The following CACNA1E variants were observed in gnomAD, a reference collection of about 807,000 sequenced individuals.
The protein encoded by CACNA1E is voltage-dependent R-type calcium channel subunit alpha-1E.
CACNA1E carries 40 observed loss-of-function variants against 259.2 expected under a neutral mutation model. The ratio of observed to expected loss-of-function variants is 0.15; its 90% CI spans 0.12 to 0.20. The LOEUF (loss-of-function observed/expected upper bound fraction) is 0.20. CACNA1E is among the 10% of genes least tolerant of loss of function. CACNA1E has a pLI of 1.00. For missense variants in CACNA1E, 1,874 were observed against 3,040.1 expected, an observed-to-expected ratio of 0.62 and a Z score of 9.02; for synonymous variants, 1,104 against 1,138.5, an observed-to-expected ratio of 0.97 and a Z score of 0.61.
In CACNA1E at chr1:181,732,409, A is replaced by T; in HGVS notation, c.2323A>T (p.Met775Leu). The T allele has an allele frequency of 6.5e-7, 1 of 1,540,696 alleles. No individual in the cohort carries two copies. Among genetic ancestry groups the T allele is most frequent in the Non-Finnish European group, 8.8e-7 (1 of 1,141,970 alleles). Residue 775 changes from methionine to leucine, a missense_variant, in exon 20 of 48, where the codon ATG becomes TTG. Physicochemically the swap from Met to Leu is conservative, Grantham distance 15. Coordinates refer to ENST00000367573, the MANE Select transcript of CACNA1E (RefSeq NM_001205293.3). The surrounding 1 kb of genome is among the most constrained non-coding windows in gnomAD (Gnocchi z 5.5). Reference protein sequence around the residue: ...HLRERRRRHHMSVWEQRTSQL... With the variant: ...HLRERRRRHHLSVWEQRTSQL... ...GAGGGAGCGGAGGCGCCGGCACCAC[A>T]TGTCCGTGTGGGAGCAGCGTACCAG...
intron 1 of CACNA1E, among the ~76,000 whole-genome samples, chr1:181,372,677 A>G (rs532295137): frequency 5.3e-4 from 81 of 152,120 alleles, no homozygotes; most frequent in African/African-American, 1.6e-3. Context: ...TCTTGTTCCA[A>G]TTCTCATGGG....
At position 181,732,759 on chromosome 1, in the gene CACNA1E, C is replaced by A; in HGVS notation, c.2673C>A (p.Asn891Lys). The change falls in exon 20 of 48, where the codon AAC becomes AAA. Residue 891 changes from asparagine to lysine, a missense_variant. This residue lies in a region of CACNA1E where 476 missense variants were observed against 514.0 expected (regional missense o/e 0.93). Transcript: ENST00000367573. The surrounding 1 kb of genome is among the most constrained non-coding windows in gnomAD (Gnocchi z 5.5). ...PPWLARPCHG[N>K]CDPTQQEAGG... The stretch of plus-strand genomic sequence containing the variant: ...GGCTGGCCAGGCCCTGTCATGGAAA[C>A]TGTGACCCGACTCAGCAGGAGGCAG... 6.4e-7 allele frequency: 1 copy of A among 1,572,202 alleles called. No individual in the cohort carries two copies. Among genetic ancestry groups the A allele is most frequent in the Non-Finnish European group, 8.6e-7 (1 of 1,159,430 alleles).
intron 5 of CACNA1E, among the ~76,000 whole-genome samples, chr1:181,579,856 C>T (rs1444240293): frequency 6.6e-6 from 1 of 152,212 alleles, no homozygotes; most frequent in African/African-American, 2.4e-5. Flanking sequence ...TCACCATCTT[C>T]TCGCTCTCTG....
intron 1 of CACNA1E, among the ~76,000 whole-genome samples, chr1:181,347,486 C>G (rs781523984): frequency 1.3e-5 from 2 of 152,164 alleles, no homozygotes; most frequent in Admixed American, 6.5e-5. Context: ...AGAATTCCTA[C>G]TAGAGAAGCT....
At chr1:181,468,779 G>C (rs529852310) in intron 2 of CACNA1E, among the ~76,000 whole-genome samples, 48 of 152,246 alleles carry the variant, frequency 3.2e-4, no homozygotes, top group African/African-American at 1.1e-3. Flanking sequence ...AGGTGGCTAT[G>C]GAAGAAGGGG....
At chr1:181,682,707 A>T (rs1650100430) in intron 7 of CACNA1E, among the ~76,000 whole-genome samples, 1 of 152,246 alleles carries the variant, frequency 6.6e-6, no homozygotes, top group Admixed American at 6.5e-5. Context: ...GGCAGAAGTT[A>T]AAGCAGGAGC....
chr1:181,470,752 G>A (rs1278514157), intron 2 of CACNA1E, among the ~76,000 whole-genome samples: 2 of 152,068 alleles, frequency 1.3e-5, no homozygotes, highest in Admixed American at 6.5e-5. Flanking sequence ...CTTTGGCCAT[G>A]GCTTGGAGGA....
Position 181,799,174 on chromosome 1 carries a change from A to AAT in CACNA1E, c.*340_*341insAT. The stretch of plus-strand genomic sequence containing the variant: ...TTTTCTAAAAGCTGTGGAGGGATCT[A>AAT]GCTGGCCTATGTCTACACTCAGTGC... On this transcript the variant is annotated 3_prime_UTR_variant, in exon 48 of 48. Transcript: ENST00000367573. 1 of 200,160 alleles carries AAT rather than the reference A, an allele frequency of 5.0e-6. No individual in the cohort carries two copies. Among genetic ancestry groups the AAT allele is most frequent in the Non-Finnish European group, 1.0e-5 (1 of 99,326 alleles). The allele number at this position is 200,160 out of a possible 1,614,324, so 12.4% of individuals were successfully genotyped here.
At chr1:181,368,924 A>G (rs1057413773) in intron 1 of CACNA1E, among the ~76,000 whole-genome samples, 5 of 152,192 alleles carry the variant, frequency 3.3e-5, no homozygotes, top group African/African-American at 1.2e-4. Context: ...CATATTCTTC[A>G]GTAGGTAAAG....
At chr1:181,602,025 T>C (rs148911826) in intron 6 of CACNA1E, among the ~76,000 whole-genome samples, 54 of 152,354 alleles carry the variant, frequency 3.5e-4, no homozygotes, top group Middle Eastern at 3.4e-3. Context: ...GGGCTCACTC[T>C]TTCCCGTCCT....
chr1:181,356,730 T>C (rs928995166), intron 1 of CACNA1E, among the ~76,000 whole-genome samples: 22 of 152,210 alleles, frequency 1.4e-4, no homozygotes, highest in African/African-American at 5.3e-4. Flanking sequence ...GCTCTACTGC[T>C]GTGCATCTCT....
intron 1 of CACNA1E, among the ~76,000 whole-genome samples, chr1:181,396,277 G>A (rs967395939): frequency 2.0e-5 from 3 of 152,224 alleles, no homozygotes; most frequent in Non-Finnish European, 4.4e-5. Flanking sequence ...ACCTCTGAAT[G>A]TTCTTGGTTA....
chr1:181,353,557 A>G (rs1653196558), intron 1 of CACNA1E, among the ~76,000 whole-genome samples: 1 of 152,218 alleles, frequency 6.6e-6, no homozygotes, highest in African/African-American at 2.4e-5. Flanking sequence ...TTGGGGAACC[A>G]TTAGTAGTCT....
chr1:181,575,604 T>C (rs1298798714), intron 3 of CACNA1E, among the ~76,000 whole-genome samples: 4 of 152,348 alleles, frequency 2.6e-5, no homozygotes, highest in African/African-American at 7.2e-5. Context: ...TTCTGAAACA[T>C]AACTGTTAAA....
chr1:181,447,780 C>A (rs770097663), intron 2 of CACNA1E, among the ~76,000 whole-genome samples: 1 of 152,178 alleles, frequency 6.6e-6, no homozygotes, highest in Non-Finnish European at 1.5e-5. Context: ...TGGCTGTTGG[C>A]AGAAGTCAAG....
intron 3 of CACNA1E, among the ~76,000 whole-genome samples, chr1:181,560,569 T>C (rs1351289200): frequency 1.3e-5 from 2 of 152,224 alleles, no homozygotes; most frequent in African/African-American, 4.8e-5. Context: ...TTCCATTGAG[T>C]GCACCATACT....
chr1:181,560,130 C>T (rs1387788377), intron 3 of CACNA1E, among the ~76,000 whole-genome samples: 1 of 151,820 alleles, frequency 6.6e-6, no homozygotes, highest in African/African-American at 2.4e-5. Flanking sequence ...CCATCCAGGC[C>T]CACCTAGACA....
chr1:181,411,206 C>A (rs1251622523), intron 1 of CACNA1E, among the ~76,000 whole-genome samples: 1 of 152,206 alleles, frequency 6.6e-6, no homozygotes, highest in East Asian at 1.9e-4. Context: ...AGTACTTAGA[C>A]CTGCTGTGGG....
At chr1:181,616,262 G>A (rs143563261) in intron 6 of CACNA1E, among the ~76,000 whole-genome samples, 1 of 152,302 alleles carries the variant, frequency 6.6e-6, no homozygotes, top group African/African-American at 2.4e-5. Flanking sequence ...GATTTTGTAA[G>A]ATTGAAGTAT....
Sources: allele counts gnomAD v4.1 joint callset (sites outside exome capture counted in the v4.1 genomes callset), GRCh38; gene constraint gnomAD v4.1.1; regional missense constraint gnomAD v4.1.1; non-coding constraint Gnocchi (gnomAD v3.1); transcripts MANE v1.5; gene names NCBI Gene and HGNC (gene_info 2026-07-23, HGNC 2026-07-21).